NEB: variants seen among roughly 807,000 people sequenced by gnomAD.
NEB encodes nebulin, also known as nemaline myopathy type 2.
Under a neutral mutation model 952.2 loss-of-function variants are expected in NEB, and 512 were observed. The ratio of observed to expected loss-of-function variants is 0.54; its 90% confidence interval spans 0.50 to 0.58. NEB has a LOEUF of 0.58. Ranked by LOEUF, NEB falls within the 20% of genes least tolerant of loss-of-function variation. The pLI, the probability that NEB is intolerant of heterozygous loss-of-function variation, is 0.00. For missense variants in NEB, 8,428 were observed against 9,231.1 expected, an observed-to-expected ratio of 0.91 and a Z score of 3.56; for synonymous variants, 2,900 against 3,149.8, an observed-to-expected ratio of 0.92 and a Z score of 2.66.
rs1469179680 is a variant in NEB at position 151,663,697 on chromosome 2, G to C, written c.5614C>G (p.Pro1872Ala). ...GCCACCACACTGAGCATGTCCACCG[G>C]GGTGTGGAAGGAGGTCTTGGATTTC... ...YEKSKTSFHT[P>A]VDMLSVVAAK... is the part of the protein sequence containing the mutation. Residue 1872 changes from proline to alanine, a missense_variant, in exon 45 of 182, where the codon CCG becomes GCG. Pro to Ala is a conservative substitution (Grantham distance 27, BLOSUM62 -1). Transcript: ENST00000397345. 1.9e-6 allele frequency: 3 copies of C among 1,613,774 alleles called. No individual in the cohort carries two copies. Among genetic ancestry groups the C allele is most frequent in the East Asian group, 2.2e-5 (1 of 44,870 alleles).
At position 151,553,422 on chromosome 2, in the gene NEB, C is replaced by G; in HGVS notation, c.19707G>C (p.Lys6569Asn). The change falls in exon 127 of 182, where the codon AAG (lysine) becomes AAC (asparagine). Residue 6569 changes from lysine (K) to asparagine (N), a missense_variant. This residue lies in a region of NEB where 3,374 missense variants were observed against 3,651.5 expected (regional missense o/e 0.92). Transcript: ENST00000397345. ...VWDTPEILHA[K>N]HAYDLRDDIK... ...CATCATCACGTAGATCATAAGCATG[C>G]TTGGCATGGAGGATTTCAGGAGTGT... 1 of 1,613,480 alleles carries G rather than the reference C, an allele frequency of 6.2e-7. No individual in the cohort carries two copies. The highest frequency in any genetic ancestry group is 8.5e-7 in the Non-Finnish European group (1 of 1,179,466).
At position 151,485,742 on chromosome 2, in the gene NEB, T is replaced by C. The variant is rs917418756; in HGVS notation, c.*18A>G. 3.4e-5 allele frequency: 54 copies of C among 1,594,780 alleles called. No homozygotes were observed. Among genetic ancestry groups the C allele is most frequent in the Non-Finnish European group, 4.3e-5 (50 of 1,166,588 alleles). On this transcript the variant is annotated 3_prime_UTR_variant, in exon 182 of 182. Transcript: ENST00000397345. ...AGGATCTGTAAGTCCTGCAGACAAG[T>C]GTGATGCTTTGAAATGCCTAAATAG... is the stretch of plus-strand genomic sequence containing the variant.
At chr2:151,546,552 A>G in intron 133 of NEB, 109 bp from the exon 134 acceptor site, 1 of 532,310 alleles carries the variant, frequency 1.9e-6, no homozygotes, top group Non-Finnish European at 3.1e-6. Flanking sequence ...ATTTTGGTTC[A>G]TCTACTTTTT....
chr2:151,611,980 C>G (rs907985607), intron 78 of NEB, among the ~76,000 whole-genome samples: 6 of 152,182 alleles, frequency 3.9e-5, no homozygotes, highest in African/African-American at 1.4e-4. Flanking sequence ...ATTCCAGGCT[C>G]TGTTCCCACA....
At chr2:151,725,318 T>G in intron 6 of NEB, 135 bp downstream of exon 6, 1 of 748,018 alleles carries the variant, frequency 1.3e-6, no homozygotes, top group Non-Finnish European at 2.2e-6. Flanking sequence ...CTATGGTTCA[T>G]GCTTTTCTAG....
chr2:151,648,810 C>A (rs2098995564), intron 54 of NEB, among the ~76,000 whole-genome samples: 1 of 152,212 alleles, frequency 6.6e-6, no homozygotes, highest in African/African-American at 2.4e-5. Flanking sequence ...TGGCATGTGC[C>A]ACTTTCACCC....
chr2:151,723,299 T>A, intron 9 of NEB, 83 bp downstream of exon 9: 2 of 844,138 alleles, frequency 2.4e-6, no homozygotes, highest in East Asian at 5.3e-5. Context: ...ACAGAAGAGT[T>A]GCAGTGACCA....
At position 151,525,146 on chromosome 2, in the gene NEB, T is replaced by C; in HGVS notation, c.22272+17A>G. On this transcript the variant is annotated intron_variant, in intron 151 of 181. Coordinates refer to ENST00000397345, the MANE Select transcript of NEB (RefSeq NM_001164508.2). ...GCTTCAAATGGGCCCCCAAGAGTGTTGAGAGGGAAAACTTACATCACTTTG... is the reference window on the plus strand; with the variant it reads ...GCTTCAAATGGGCCCCCAAGAGTGTCGAGAGGGAAAACTTACATCACTTTG... The C allele has an allele frequency of 8.2e-6, 13 of 1,579,870 alleles. No homozygotes were observed. The highest frequency in any genetic ancestry group is 1.1e-5 in the Non-Finnish European group (13 of 1,148,870).
intron 135 of NEB, among the ~76,000 whole-genome samples, chr2:151,545,448 GC>G (rs1416063432): frequency 6.6e-6 from 1 of 152,068 alleles, no homozygotes; most frequent in Non-Finnish European, 1.5e-5. Flanking sequence ...GGTGGCACAT[GC>G]CTGTAATCCC....
intron 12 of NEB, 45 bp downstream of exon 12, chr2:151,709,611 A>G (rs1259370917): frequency 1.8e-5 from 26 of 1,428,096 alleles, no homozygotes; most frequent in Non-Finnish European, 2.5e-5. Context: ...TAAGAAATTT[A>G]CCCACACTCA....
rs150874422 is a variant in NEB, at chr2:151,538,181, C to G, written c.20956G>C (p.Asp6986His). 7.7e-5 allele frequency: 125 copies of G among 1,613,136 alleles called. No individual in the cohort carries two copies. The African/African-American group carries it at 1.6e-3, about 20-fold the overall frequency. Residue 6986 changes from aspartate (D) to histidine (H), a missense_variant, in exon 139 of 182, where the codon GAC (aspartate) becomes CAC (histidine). Transcript: ENST00000397345. The stretch of plus-strand genomic sequence containing the variant: ...GTGACTTTGCGATGATAGACAATGT[C>G]TAGGGCATCTTTCACCGTGTGGTAT... ...GKYHTVKDAL[D>H]IVYHRKVTDD...
chr2:151,527,557 T>G lies in NEB; in HGVS notation c.21764A>C (p.Asn7255Thr). Residue 7255 changes from asparagine (N) to threonine (T), a missense_variant, in exon 147 of 182, where the codon AAC (asparagine) becomes ACC (threonine). Transcript: ENST00000397345. The stretch of plus-strand genomic sequence containing the variant: ...AGGAGTCCACTTCCAGTGGGCTTTG[T>G]TGGCTTCGTACTGTTTCTTATAGTC... ...NLDYKKQYEA[N>T]KAHWKWTPDR... The G allele has an allele frequency of 6.2e-7, 1 of 1,613,112 alleles. No homozygotes were observed. Among genetic ancestry groups the G allele is most frequent in the Non-Finnish European group, 8.5e-7 (1 of 1,179,518 alleles).
intron 72 of NEB, among the ~76,000 whole-genome samples, chr2:151,620,080 AAG>A (rs1328018362): frequency 6.6e-6 from 1 of 152,136 alleles, no homozygotes; most frequent in Non-Finnish European, 1.5e-5. Context: ...GAGCCTATTT[AAG>A]AACACACCTG....
chr2:151,623,277 G>T (rs1233734907), intron 71 of NEB, among the ~76,000 whole-genome samples: 2 of 152,062 alleles, frequency 1.3e-5, no homozygotes. Context: ...GATAGTTCTG[G>T]AAAAGAATTT....
intron 14 of NEB, 38 bp downstream of exon 14, chr2:151,697,506 C>G: frequency 6.2e-7 from 1 of 1,605,808 alleles, no homozygotes; most frequent in Non-Finnish European, 8.5e-7. Flanking sequence ...ATAATGGGTT[C>G]TTTTTTTAAC....
rs1490572983 is a variant in NEB at position 151,568,358 on chromosome 2, G to A, written c.17694C>T (p.Pro5898=). ...TKSKYTLTET[P]LLHTAQEAAR... is the part of the protein sequence containing the mutation. ...CAGCCTCCTGGGCAGTGTGCAGCAG[G>A]GGGGTTTCTGTGAGGGTGTACTTTG... Residue 5898 remains proline (P), a synonymous_variant, in exon 112 of 182, where the codon CCC becomes CCT. Transcript: ENST00000397345. The A allele has an allele frequency of 6.2e-7, 1 of 1,613,714 alleles. No individual in the cohort carries two copies. Among genetic ancestry groups the A allele is most frequent in the Admixed American group, 1.7e-5 (1 of 60,004 alleles).
Position 151,724,321 on chromosome 2 carries a change from A to G in NEB, c.551T>C (p.Leu184Pro). 3 of 1,613,098 alleles carry G rather than the reference A, an allele frequency of 1.9e-6. No homozygotes were observed. Among genetic ancestry groups the G allele is most frequent in the Non-Finnish European group, 2.5e-6 (3 of 1,179,568 alleles). Residue 184 changes from leucine to proline, a missense_variant, in exon 8 of 182, where the codon CTG becomes CCG. By Grantham distance (98) the Leu-to-Pro change is moderately conservative (BLOSUM62 -3). Coordinates refer to ENST00000397345, the MANE Select transcript of NEB (RefSeq NM_001164508.2). ...AAGTTCAGGGGCATCAGGAGGAAGC[A>G]GGTACTTATCCTTGGTGTCTTCCCA... ...QNWEDTKDKY[L>P]LPPDAPELVQ...
At chr2:151,573,698 A>G (rs982261068) in intron 107 of NEB, among the ~76,000 whole-genome samples, 3 of 152,220 alleles carry the variant, frequency 2.0e-5, no homozygotes, top group African/African-American at 7.2e-5. Flanking sequence ...CAAAGTTTCA[A>G]GCCTTGGCAA....
intron 34 of NEB, among the ~76,000 whole-genome samples, chr2:151,676,738 T>C (rs1456624882): frequency 1.3e-5 from 2 of 152,184 alleles, no homozygotes; most frequent in African/African-American, 4.8e-5. Flanking sequence ...GCACCTCCCT[T>C]GTATTTAACA....
Sources: allele counts gnomAD v4.1 joint callset (sites outside exome capture counted in the v4.1 genomes callset), GRCh38; gene constraint gnomAD v4.1.1; regional missense constraint gnomAD v4.1.1; transcripts MANE v1.5; gene names NCBI Gene and HGNC (gene_info 2026-07-23, HGNC 2026-07-21).